Variants in RC3H1 observed in about 807,000 individuals in gnomAD.
The protein encoded by RC3H1 is ring finger and CCCH-type domains 1.
Under a neutral mutation model 138.2 loss-of-function variants are expected in RC3H1, and 50 were observed. The ratio of observed to expected loss-of-function variants is 0.36; its 90% CI spans 0.29 to 0.46. RC3H1 has a LOEUF of 0.46. Ranked by LOEUF, RC3H1 falls within the 20% of genes least tolerant of loss-of-function variation. RC3H1 has a pLI of 1.00. For missense variants in RC3H1, 1,031 were observed against 1,388.1 expected (o/e 0.74, Z 4.09); for synonymous variants, 462 against 489.1 (o/e 0.94, Z 0.73).
intron 7 of RC3H1, among the ~76,000 whole-genome samples, chr1:173,974,129 A>C (rs1205587895): frequency 6.6e-6 from 1 of 152,002 alleles, no homozygotes; most frequent in Non-Finnish European, 1.5e-5. Context: ...AATACAAAAA[A>C]ATTAGCTGGG....
At chr1:174,014,822 T>C (rs1439139674) in intron 1 of RC3H1, among the ~76,000 whole-genome samples, 1 of 152,158 alleles carries the variant, frequency 6.6e-6, no homozygotes, top group Non-Finnish European at 1.5e-5. Flanking sequence ...CTCCAAAGTG[T>C]ATGTTCTATT....
At position 173,961,173 on chromosome 1, in the gene RC3H1, T is replaced by C. The variant is rs2102928241; in HGVS notation, c.2274A>G (p.Arg758=). 6.2e-7 allele frequency: 1 copy of C among 1,614,176 alleles called. No individual in the cohort carries two copies. Among genetic ancestry groups the C allele is most frequent in the Non-Finnish European group, 8.5e-7 (1 of 1,180,012 alleles). The part of the protein sequence containing the change: ...HPSLDELHRR[R]KEIMAQLEER... ...CCTCTAGCTGGGCCATTATTTCCTTTCGTCGGCGATGTAGTTCATCTAGAC... is the reference window on the plus strand; with the variant it reads ...CCTCTAGCTGGGCCATTATTTCCTTCCGTCGGCGATGTAGTTCATCTAGAC... Residue 758 remains arginine, a synonymous_variant, in exon 13 of 20, where the codon CGA becomes CGG. Coordinates refer to ENST00000367696, the MANE Select transcript of RC3H1 (RefSeq NM_172071.4).
At chr1:173,963,882 A>AAG in intron 11 of RC3H1, 91 bp downstream of exon 11, 2 of 1,002,566 alleles carry the variant, frequency 2.0e-6, no homozygotes. Flanking sequence ...ACTTATCTTA[A>AAG]AGAGGCTACT....
Position 173,932,720 on chromosome 1 carries a change from T to C in RC3H1, c.*6001A>G, listed in dbSNP as rs1658432417. On this transcript the variant is annotated 3_prime_UTR_variant, in exon 20 of 20. Coordinates refer to ENST00000367696, the MANE Select transcript of RC3H1 (RefSeq NM_172071.4). Reference sequence around the variant, plus strand: ...ATGCCTTTAAGTCAGAGAATTATTTTATGGGGTAGTTCAGATATTATAAGA... The same window carrying C: ...ATGCCTTTAAGTCAGAGAATTATTTCATGGGGTAGTTCAGATATTATAAGA... 1 of 152,092 alleles carries C rather than the reference T, an allele frequency of 6.6e-6. No homozygotes were observed. The allele number at this position is 152,092 out of a possible 1,614,324, so 9.4% of individuals were successfully genotyped here. A position where few individuals can be genotyped will look rare whatever the true frequency, so the allele number is the denominator to read the frequency against.
intron 7 of RC3H1, among the ~76,000 whole-genome samples, chr1:173,978,097 T>C (rs1660660054): frequency 6.6e-6 from 1 of 152,030 alleles, no homozygotes; most frequent in African/African-American, 2.4e-5. Context: ...AGGAACAAGA[T>C]ATCATGGAGA....
At chr1:173,946,125 C>T (rs1044447826) in intron 17 of RC3H1, among the ~76,000 whole-genome samples, 2 of 151,716 alleles carry the variant, frequency 1.3e-5, no homozygotes, top group Non-Finnish European at 2.9e-5. Flanking sequence ...GTTGAGATCA[C>T]GCCACCTCAC....
chr1:173,986,053 C>T (rs922081966), intron 2 of RC3H1, among the ~76,000 whole-genome samples: 3 of 151,902 alleles, frequency 2.0e-5, no homozygotes, highest in Non-Finnish European at 1.5e-5. Context: ...ACGGAGTCTC[C>T]CTCTGTCACC....
intron 7 of RC3H1, among the ~76,000 whole-genome samples, chr1:173,976,090 G>A (rs1215876350): frequency 6.6e-6 from 1 of 151,830 alleles, no homozygotes; most frequent in African/African-American, 2.4e-5. Flanking sequence ...GTCCAATAAA[G>A]AAGAGAATTA....
rs147962368 is a variant in RC3H1, at chr1:173,946,762, C to T, written c.2812G>A (p.Gly938Arg). 2 of 1,613,140 alleles carry T rather than the reference C, an allele frequency of 1.2e-6. No individual in the cohort carries two copies. Among genetic ancestry groups the T allele is most frequent in the African/African-American group, 2.7e-5 (2 of 74,846 alleles). Residue 938 changes from glycine to arginine, a missense_variant, in exon 16 of 20, where the codon GGA becomes AGA. Gly to Arg is a moderately radical substitution (Grantham distance 125). Coordinates refer to ENST00000367696, the MANE Select transcript of RC3H1 (RefSeq NM_172071.4). ...GACTCATACCTCTCACTGAAGTGTCCCTGAGAAGGTATGTTTTGATGAGGT... is the reference window on the plus strand; with the variant it reads ...GACTCATACCTCTCACTGAAGTGTCTCTGAGAAGGTATGTTTTGATGAGGT... ...YSPHQNIPSQ[G>R]HFSERERISM...
At position 173,964,712 on chromosome 1, in the gene RC3H1, C is replaced by A. The variant is rs1196040970; in HGVS notation, c.1616+127G>T. 8 of 921,768 alleles carry A rather than the reference C, an allele frequency of 8.7e-6. No homozygotes were observed. The African/African-American group carries it at 1.2e-4, about 14-fold the overall frequency. The allele number at this position is 921,768 out of a possible 1,614,324, so 57.1% of individuals were successfully genotyped here. A position where few individuals can be genotyped will look rare whatever the true frequency, so the allele number is the denominator to read the frequency against. On this transcript the variant is annotated intron_variant, in intron 10 of 19. Transcript: ENST00000367696. ...AACACTAGCATGGGAAATAAAAAAG[C>A]AACAAAATAAAGGCCAAAAAAAATA...
intron 2 of RC3H1, 42 bp downstream of exon 2, chr1:173,992,713 G>GAA: frequency 7.0e-7 from 1 of 1,419,536 alleles, no homozygotes. Context: ...GAGAGAGAGA[G>GAA]AGAGAGGGAG....
At chr1:174,001,276 A>G (rs934223887) in intron 1 of RC3H1, among the ~76,000 whole-genome samples, 2 of 152,212 alleles carry the variant, frequency 1.3e-5, no homozygotes, top group Non-Finnish European at 2.9e-5. Context: ...TGAGTTTGAA[A>G]CAGAGTGCCT....
At chr1:173,972,854 G>C (rs1660423164) in intron 7 of RC3H1, among the ~76,000 whole-genome samples, 1 of 152,210 alleles carries the variant, frequency 6.6e-6, no homozygotes, top group Admixed American at 6.5e-5. Context: ...AAGGTAACAT[G>C]AAAGAGGTAA....
At chr1:173,979,000 C>T (rs1660694067) in intron 6 of RC3H1, among the ~76,000 whole-genome samples, 1 of 152,038 alleles carries the variant, frequency 6.6e-6, no homozygotes, top group Non-Finnish European at 1.5e-5. Context: ...TTCTATTATC[C>T]AATATGGTGA....
intron 17 of RC3H1, among the ~76,000 whole-genome samples, chr1:173,943,995 CAAAAAAT>C (rs1659023350): frequency 2.0e-5 from 3 of 151,464 alleles, no homozygotes; most frequent in Non-Finnish European, 4.4e-5. Flanking sequence ...CTCGCCTCTA[CAAAAAAT>C]AAAAAATAAA....
chr1:173,939,050 A>T (rs560524036), intron 19 of RC3H1, among the ~76,000 whole-genome samples, 179 bp from the exon 20 acceptor site: 3 of 149,522 alleles, frequency 2.0e-5, no homozygotes, highest in Non-Finnish European at 4.5e-5. Context: ...CCAGGTGCGT[A>T]TTTTTTTTTT....
chr1:173,944,580 C>A (rs1275976662), intron 17 of RC3H1, among the ~76,000 whole-genome samples: 3 of 152,110 alleles, frequency 2.0e-5, no homozygotes, highest in African/African-American at 7.2e-5. Context: ...AACAAACAAA[C>A]AAACAAACAA....
At chr1:173,975,022 GC>G (rs1660514429) in intron 7 of RC3H1, among the ~76,000 whole-genome samples, 2 of 152,170 alleles carry the variant, frequency 1.3e-5, no homozygotes, top group Admixed American at 6.5e-5. Context: ...AAACAGGATG[GC>G]AGGGGAGAGC....
rs1206136513 is a variant in RC3H1 at position 173,970,443 on chromosome 1, T to G, written c.1334+62A>C. The G allele has an allele frequency of 4.8e-6, 5 of 1,033,386 alleles. No homozygotes were observed. In the African/African-American group the frequency reaches 7.8e-5, roughly 16 times the overall value. The allele number at this position is 1,033,386 out of a possible 1,614,324, so 64.0% of individuals were successfully genotyped here. On this transcript the variant is annotated intron_variant, in intron 9 of 19. Transcript: ENST00000367696. The stretch of plus-strand genomic sequence containing the variant: ...AAAGCAGCTACTCTTTCTGTATTTC[T>G]GTATGTCAGCGAATTATTCCACTTA...
Sources: gnomAD v4.1 joint callset for allele counts (sites outside exome capture counted in the v4.1 genomes callset) on GRCh38, gnomAD v4.1.1 for gene constraint, MANE v1.5 for transcripts, NCBI Gene and HGNC (gene_info 2026-07-23, HGNC 2026-07-21) for gene names.